KEL: variants seen among roughly 807,000 people sequenced by gnomAD.
KEL encodes the protein kell blood group glycoprotein.
Under a neutral mutation model 99.5 loss-of-function variants are expected in KEL, and 96 were observed. That is an observed-to-expected ratio of 0.97 (90% CI 0.82 to 1.14). The LOEUF (loss-of-function observed/expected upper bound fraction) is 1.14. Among genes scored for constraint, KEL ranks in the 50% most tolerant of loss-of-function variants. KEL has a pLI of 0.00. For missense variants in KEL, 926 were observed against 924.2 expected (o/e 1.00, Z -0.03); for synonymous variants, 355 against 354.8 (o/e 1.00, Z -0.01).
At chr7:142,956,471 C>T (rs1226791326) in intron 6 of KEL, among the ~76,000 whole-genome samples, 1 of 151,788 alleles carries the variant, frequency 6.6e-6, no homozygotes, top group Non-Finnish European at 1.5e-5. Context: ...AAATGTTTCA[C>T]CTTCGCCTGG....
In KEL at chr7:142,941,163, G is replaced by T. The variant is rs1273457692; in HGVS notation, c.*89C>A. ...GCCAGCTTTTATTTTTGGAACAGAA[G>T]CAGAAAGGAAATCTTGCTCTGATTC... On this transcript the variant is annotated 3_prime_UTR_variant, in exon 19 of 19. Coordinates refer to ENST00000355265, the MANE Select transcript of KEL (RefSeq NM_000420.3). 6.9e-7 allele frequency: 1 copy of T among 1,440,434 alleles called. No individual in the cohort carries two copies. Among genetic ancestry groups the T allele is most frequent in the Non-Finnish European group, 9.8e-7 (1 of 1,024,520 alleles). The allele number at this position is 1,440,434 out of a possible 1,614,324, so 89.2% of individuals were successfully genotyped here.
Position 142,954,657 on chromosome 7 carries a change from A to G in KEL, c.673-130T>C. On this transcript the variant is annotated intron_variant, in intron 6 of 18. Coordinates refer to ENST00000355265, the MANE Select transcript of KEL (RefSeq NM_000420.3). ...CACAAAGATTGGACAGAAGAGAAGCAAGAGTACAAAGAAAGGGAGGGATTA... is the reference window on the plus strand; with the variant it reads ...CACAAAGATTGGACAGAAGAGAAGCGAGAGTACAAAGAAAGGGAGGGATTA... The G allele has an allele frequency of 4.9e-6, 4 of 822,156 alleles. No homozygotes were observed. The South Asian group carries it at 5.4e-5, about 11-fold the overall frequency. 50.9% of individuals were successfully genotyped at this position (822,156 alleles called of 1,614,324 possible). A position where few individuals can be genotyped will look rare whatever the true frequency, so the allele number is the denominator to read the frequency against.
In KEL at chr7:142,942,893, C is replaced by A. The variant is rs140258059; in HGVS notation, c.1923G>T (p.Gly641=). ...TFLENAADVG[G]LAIALQAYSK... is the part of the protein sequence containing the mutation. ...TGCATACCTGCAGCGCGATGGCTAGCCCCCCAACGTCTGCAGCATTCTCTA... is the reference window on the plus strand; with the variant it reads ...TGCATACCTGCAGCGCGATGGCTAGACCCCCAACGTCTGCAGCATTCTCTA... The change falls in exon 17 of 19, where the codon GGG becomes GGT. Residue 641 remains glycine, a synonymous_variant. Coordinates refer to ENST00000355265, the MANE Select transcript of KEL (RefSeq NM_000420.3). 6 of 1,614,120 alleles carry A rather than the reference C, an allele frequency of 3.7e-6. No individual in the cohort carries two copies. The highest frequency in any genetic ancestry group is 5.1e-6 in the Non-Finnish European group (6 of 1,179,998).
Position 142,953,961 on chromosome 7 carries a change from G to A in KEL, c.925-5C>T. 6.2e-7 allele frequency: 1 copy of A among 1,613,782 alleles called. No homozygotes were observed. Among genetic ancestry groups the A allele is most frequent in the Non-Finnish European group, 8.5e-7 (1 of 1,179,732 alleles). On this transcript the variant is annotated splice_region_variant and splice_polypyrimidine_tract_variant and intron_variant, in intron 8 of 18. Transcript: ENST00000355265. ...GTCGATGGCGGGGGCCATTTCCTTA[G>A]AGGAGGGACACAAAGCTGAGGGGGA...
chr7:142,951,766 A>G (rs1796691509), intron 10 of KEL, among the ~76,000 whole-genome samples: 1 of 152,124 alleles, frequency 6.6e-6, no homozygotes, highest in Non-Finnish European at 1.5e-5. Context: ...CAAAGCAGAG[A>G]GTTTCTCCAA....
intron 18 of KEL, among the ~76,000 whole-genome samples, chr7:142,941,806 AG>A (rs1020749746): frequency 3.4e-5 from 5 of 145,680 alleles, no homozygotes; most frequent in African/African-American, 1.3e-4. Context: ...AGCCTGTCGC[AG>A]GCTTTTTTTT....
At chr7:142,942,556 C>T (rs1056095842) in intron 17 of KEL, 27 bp from the exon 18 acceptor site, 1 of 1,534,180 alleles carries the variant, frequency 6.5e-7, no homozygotes, top group African/African-American at 1.4e-5. Flanking sequence ...AGAGAAGGGC[C>T]ATCAGGCTCT....
Position 142,953,966 on chromosome 7 carries a change from G to C in KEL, c.925-10C>G. 6.2e-7 allele frequency: 1 copy of C among 1,613,540 alleles called. No homozygotes were observed. The highest frequency in any genetic ancestry group is 8.5e-7 in the Non-Finnish European group (1 of 1,179,600). On this transcript the variant is annotated splice_polypyrimidine_tract_variant and intron_variant, in intron 8 of 18. Coordinates refer to ENST00000355265, the MANE Select transcript of KEL (RefSeq NM_000420.3). ...TGGCGGGGGCCATTTCCTTAGAGGA[G>C]GGACACAAAGCTGAGGGGGAAAAGG...
chr7:142,951,792 C>T (rs925737914), intron 10 of KEL, among the ~76,000 whole-genome samples: 1 of 151,962 alleles, frequency 6.6e-6, no homozygotes, highest in South Asian at 2.1e-4. Flanking sequence ...GGAAATGGAC[C>T]ACAAATTACT....
rs570344017 is a variant in KEL at position 142,945,563 on chromosome 7, G to A, written c.1314+644C>T. Reference sequence around the variant, plus strand: ...ATTATGTCATCTGTTCTGATGTCACGTCATGTGTTGTTAAAAAAATCTTAG... The same window carrying A: ...ATTATGTCATCTGTTCTGATGTCACATCATGTGTTGTTAAAAAAATCTTAG... On this transcript the variant is annotated intron_variant, in intron 11 of 18. Transcript: ENST00000355265. Among the ~76,000 whole-genome samples, 20 of 151,864 alleles carry A rather than the reference G, an allele frequency of 1.3e-4. No individual in the cohort carries two copies. In the East Asian group the frequency reaches 3.5e-3, roughly 26 times the overall value.
At chr7:142,948,596 T>C (rs1796594266) in intron 10 of KEL, among the ~76,000 whole-genome samples, 3 of 152,192 alleles carry the variant, frequency 2.0e-5, no homozygotes, top group Non-Finnish European at 4.4e-5. Flanking sequence ...AACAGTTTTT[T>C]AACACTTGGA....
chr7:142,954,543 A>C lies in KEL; in HGVS notation c.673-16T>G. On this transcript the variant is annotated splice_polypyrimidine_tract_variant and intron_variant, in intron 6 of 18. Transcript: ENST00000355265. ...GCTGGTCTATCTGGGCACAAGAGAGACTGGAGAGAAGCAGGGAGCATGGCG... is the reference window on the plus strand; with the variant it reads ...GCTGGTCTATCTGGGCACAAGAGAGCCTGGAGAGAAGCAGGGAGCATGGCG... 1 of 1,613,458 alleles carries C rather than the reference A, an allele frequency of 6.2e-7. No individual in the cohort carries two copies. Among genetic ancestry groups the C allele is most frequent in the Non-Finnish European group, 8.5e-7 (1 of 1,179,438 alleles).
chr7:142,956,625 T>TC (rs1362091060), intron 6 of KEL, among the ~76,000 whole-genome samples: 1 of 151,982 alleles, frequency 6.6e-6, no homozygotes, highest in East Asian at 1.9e-4. Context: ...TTCCAGGTCC[T>TC]CCCCCTGGCT....
At chr7:142,958,560 G>C in intron 4 of KEL, 132 bp from the exon 5 acceptor site, 1 of 820,974 alleles carries the variant, frequency 1.2e-6, no homozygotes, top group Non-Finnish European at 2.0e-6. Flanking sequence ...TTTAACCCAT[G>C]TAACATGATT....
intron 17 of KEL, among the ~76,000 whole-genome samples, 164 bp downstream of exon 17, chr7:142,942,711 C>G (rs1034908920): frequency 2.6e-5 from 4 of 152,136 alleles, no homozygotes; most frequent in Non-Finnish European, 2.9e-5. Flanking sequence ...TGGAGGATCT[C>G]TGGGGTAGGA....
chr7:142,944,585 G>T, intron 12 of KEL, 58 bp downstream of exon 12: 1 of 1,442,666 alleles, frequency 6.9e-7, no homozygotes, highest in Non-Finnish European at 9.8e-7. Flanking sequence ...CATCTCGCTT[G>T]TTCCAATACT....
At chr7:142,962,044 G>A in intron 1 of KEL, 160 bp downstream of exon 1, 1 of 1,609,944 alleles carries the variant, frequency 6.2e-7, no homozygotes, top group South Asian at 1.1e-5. Flanking sequence ...CCTGTCCCCT[G>A]AATGTGCCAT....
chr7:142,943,548 G>A lies in KEL; in HGVS notation c.1641C>T (p.Asp547=), dbSNP rs141939490. ...GTCCAGCTGGAAAGACTACCACATG[G>A]TCAGATACCGAATAGTAAGCATTGA... ...WDVNAYYSVS[D]HVVVFPAGLL... Residue 547 remains aspartate (D), a synonymous_variant, in exon 15 of 19, where the codon GAC becomes GAT. Transcript: ENST00000355265. The A allele has an allele frequency of 2.3e-4, 371 of 1,614,162 alleles. No homozygotes were observed. The highest frequency in any genetic ancestry group is 1.8e-4 in the Non-Finnish European group (218 of 1,180,022).
At chr7:142,956,113 C>A (rs1796824340) in intron 6 of KEL, among the ~76,000 whole-genome samples, 3 of 152,192 alleles carry the variant, frequency 2.0e-5, no homozygotes, top group Non-Finnish European at 2.9e-5. Context: ...TCCAGGCTCA[C>A]ACTGATGATA....
Sources: gnomAD v4.1 joint callset for allele counts (sites outside exome capture counted in the v4.1 genomes callset) on GRCh38, gnomAD v4.1.1 for gene constraint, MANE v1.5 for transcripts, NCBI Gene and HGNC (gene_info 2026-07-23, HGNC 2026-07-21) for gene names.